Variants in SACM1L observed in about 807,000 individuals in gnomAD.
SACM1L encodes the protein phosphatidylinositol-3-phosphatase SAC1.
SACM1L carries 32 observed loss-of-function variants against 89.5 expected under a neutral mutation model. That is an observed-to-expected ratio of 0.36 (90% CI 0.27 to 0.48). SACM1L has a LOEUF of 0.48. Ranked by LOEUF, SACM1L falls within the 20% of genes least tolerant of loss-of-function variation. The pLI is 0.99. For missense variants in SACM1L, 543 were observed against 708.5 expected (o/e 0.77, Z 2.65); for synonymous variants, 213 against 232.8 (o/e 0.92, Z 0.77).
At chr3:45,702,209 G>A (rs1698291836) in intron 1 of SACM1L, among the ~76,000 whole-genome samples, 1 of 152,152 alleles carries the variant, frequency 6.6e-6, no homozygotes, top group South Asian at 2.1e-4. Context: ...ATTCCTCAGA[G>A]AACTTGCAGT....
At chr3:45,726,742 G>A (rs1051017317) in intron 11 of SACM1L, among the ~76,000 whole-genome samples, 2 of 151,540 alleles carry the variant, frequency 1.3e-5, no homozygotes, top group Non-Finnish European at 2.9e-5. Context: ...CGGTAGCTTT[G>A]GGTTTAGTTT....
chr3:45,729,698 A>G (rs532282049), intron 11 of SACM1L, among the ~76,000 whole-genome samples: 1 of 152,228 alleles, frequency 6.6e-6, no homozygotes, highest in East Asian at 1.9e-4. Flanking sequence ...GTGTGTGATG[A>G]GTCTCCTCTC....
Position 45,710,412 on chromosome 3 carries a change from T to C in SACM1L, c.483+765T>C, listed in dbSNP as rs144490010. Among the ~76,000 whole-genome samples the C allele has an allele frequency of 1.3e-4, 20 of 151,950 alleles. No individual in the cohort carries two copies. The South Asian group carries it at 2.7e-3, about 21-fold the overall frequency. On this transcript the variant is annotated intron_variant, in intron 5 of 19. Coordinates refer to ENST00000389061, the MANE Select transcript of SACM1L (RefSeq NM_014016.5). ...TTCGCCATGTTGCCCAGGCTGGCCT[T>C]GAACTCCTGGCCTCAAGTGATCCAC...
intron 7 of SACM1L, among the ~76,000 whole-genome samples, chr3:45,716,210 A>G (rs1698655758): frequency 6.6e-6 from 1 of 152,140 alleles, no homozygotes; most frequent in African/African-American, 2.4e-5. Flanking sequence ...ATAGTGGCGC[A>G]TGTCTGTAAT....
Position 45,738,772 on chromosome 3 carries a change from C to T in SACM1L, c.1477-9C>T. 1 of 1,591,504 alleles carries T rather than the reference C, an allele frequency of 6.3e-7. No homozygotes were observed. The highest frequency in any genetic ancestry group is 8.6e-7 in the Non-Finnish European group (1 of 1,160,096). On this transcript the variant is annotated splice_polypyrimidine_tract_variant and intron_variant, in intron 17 of 19. Coordinates refer to ENST00000389061, the MANE Select transcript of SACM1L (RefSeq NM_014016.5). ...ACTGAGTTTACGAATTTCTTCCTTT[C>T]TGTTCTAGGATTCCATAGACTTATT...
chr3:45,726,947 G>A lies in SACM1L; in HGVS notation c.921+3404G>A, dbSNP rs1306902640. Among the ~76,000 whole-genome samples the A allele has an allele frequency of 2.7e-5, 2 of 72,744 alleles. 1 individual carries two copies. The highest frequency in any genetic ancestry group is 1.1e-4 in the African/African-American group (2 of 18,162). The allele number at this position is 72,744 out of a possible 152,430, so 47.7% of individuals were successfully genotyped here. On this transcript the variant is annotated intron_variant, in intron 11 of 19. Coordinates refer to ENST00000389061, the MANE Select transcript of SACM1L (RefSeq NM_014016.5). ...AGGCCGGACTGCGGACTGCAGTGGC[G>A]CAATCTCGGCTCACTGCAAGCTCCG...
chr3:45,739,238 C>T (rs1699266137), intron 18 of SACM1L, among the ~76,000 whole-genome samples: 1 of 152,146 alleles, frequency 6.6e-6, no homozygotes, highest in Non-Finnish European at 1.5e-5. Context: ...CCTCTGTTCA[C>T]CAGACCCTGC....
chr3:45,693,579 A>G (rs543720015), intron 1 of SACM1L, among the ~76,000 whole-genome samples: 2 of 152,340 alleles, frequency 1.3e-5, no homozygotes, highest in Admixed American at 1.3e-4. Flanking sequence ...ACAAAGTCAG[A>G]TCATACAGCC....
At chr3:45,724,047 AT>A (rs1559546790) in intron 11 of SACM1L, among the ~76,000 whole-genome samples, 1 of 151,590 alleles carries the variant, frequency 6.6e-6, no homozygotes, top group African/African-American at 2.4e-5. Flanking sequence ...GGTTGTTTTC[AT>A]TTTTTGGCTA....
intron 14 of SACM1L, 133 bp downstream of exon 14, chr3:45,735,506 A>G: frequency 3.3e-5 from 28 of 841,846 alleles, no homozygotes; most frequent in Non-Finnish European, 4.4e-5. Context: ...TGTCTTGCCC[A>G]TGGATGTCAC....
Position 45,699,383 on chromosome 3 carries a change from G to A in SACM1L, c.33-4055G>A, listed in dbSNP as rs149601303. Among the ~76,000 whole-genome samples the A allele has an allele frequency of 4.4e-3, 665 of 151,394 alleles. 2 individuals are homozygous for A. The highest frequency in any genetic ancestry group is 8.0e-3 in the Non-Finnish European group (541 of 67,786). On this transcript the variant is annotated intron_variant, in intron 1 of 19. Coordinates refer to ENST00000389061, the MANE Select transcript of SACM1L (RefSeq NM_014016.5). ...AGGCTGGGCTCTGGTTTATGTAGCT[G>A]TGGTTCAAATGAAGCCTCATGGTGT...
chr3:45,736,911 G>A (rs1156386044), intron 14 of SACM1L, among the ~76,000 whole-genome samples: 1 of 152,112 alleles, frequency 6.6e-6, no homozygotes, highest in Non-Finnish European at 1.5e-5. Context: ...TGCTGTGTCT[G>A]AGGGTGGGAA....
intron 4 of SACM1L, among the ~76,000 whole-genome samples, chr3:45,708,556 A>G (rs1243420314): frequency 6.6e-6 from 1 of 152,046 alleles, no homozygotes; most frequent in African/African-American, 2.4e-5. Flanking sequence ...TATGCTTTTT[A>G]TACTTTAGAA....
rs1039573688 is a variant in SACM1L at position 45,734,007 on chromosome 3, G to A, written c.1101-1228G>A. On this transcript the variant is annotated intron_variant, in intron 13 of 19. Transcript: ENST00000389061. The stretch of plus-strand genomic sequence containing the variant: ...ACTGGTAACTGTGGTTGGTTGCAGT[G>A]CAGACATCTGGATGTTTAAGGGGAG... Among the ~76,000 whole-genome samples the A allele has an allele frequency of 3.9e-5, 6 of 152,176 alleles. 1 individual carries two copies. The highest frequency in any genetic ancestry group is 1.2e-4 in the African/African-American group (5 of 41,510).
intron 8 of SACM1L, among the ~76,000 whole-genome samples, chr3:45,721,461 G>T (rs2125696658): frequency 6.6e-6 from 1 of 152,334 alleles, no homozygotes; most frequent in Middle Eastern, 3.4e-3. Flanking sequence ...AGCGGAGGTT[G>T]CGTTGAGCTG....
chr3:45,701,753 G>A (rs973893509), intron 1 of SACM1L, among the ~76,000 whole-genome samples: 18 of 152,064 alleles, frequency 1.2e-4, no homozygotes, highest in Admixed American at 9.2e-4. Flanking sequence ...ACGTTTCCTC[G>A]TGCCTGTAAT....
intron 8 of SACM1L, among the ~76,000 whole-genome samples, chr3:45,721,304 C>T (rs1042619909): frequency 6.6e-6 from 1 of 152,202 alleles, no homozygotes; most frequent in Non-Finnish European, 1.5e-5. Flanking sequence ...GGCAGATCAC[C>T]TGAGGTCGGG....
At chr3:45,703,252 C>G (rs1698315016) in intron 1 of SACM1L, among the ~76,000 whole-genome samples, 186 bp from the exon 2 acceptor site, 1 of 152,132 alleles carries the variant, frequency 6.6e-6, no homozygotes, top group African/African-American at 2.4e-5. Flanking sequence ...AAAACCTAGT[C>G]AGCATCAAAT....
intron 14 of SACM1L, chr3:45,737,304 A>G: frequency 2.5e-6 from 1 of 400,748 alleles, no homozygotes; most frequent in South Asian, 4.5e-5. Flanking sequence ...AGCAGCTTTC[A>G]CTCTCTCTTC....
Sources: allele counts gnomAD v4.1 joint callset (sites outside exome capture counted in the v4.1 genomes callset), GRCh38; gene constraint gnomAD v4.1.1; transcripts MANE v1.5; gene names NCBI Gene and HGNC (gene_info 2026-07-23, HGNC 2026-07-21).